Variants in SPTA1 observed in about 807,000 individuals in gnomAD.
The protein encoded by SPTA1 is spectrin alpha, erythrocytic 1.
SPTA1 carries 177 observed loss-of-function variants against 324.7 expected under a neutral mutation model. That is an observed-to-expected ratio of 0.55 (90% confidence interval 0.48 to 0.62). The LOEUF (loss-of-function observed/expected upper bound fraction) is 0.62. Among genes scored for constraint, SPTA1 ranks in the 20% least tolerant of loss-of-function variants. The pLI is 0.00. For missense variants in SPTA1, 3,162 were observed against 2,883.6 expected (o/e 1.10, Z -2.21); for synonymous variants, 1,195 against 1,041.3 (o/e 1.15, Z -2.84).
chr1:158,680,833 G>A, intron 4 of SPTA1, 104 bp from the exon 5 acceptor site: 1 of 1,447,914 alleles, frequency 6.9e-7, no homozygotes, highest in Non-Finnish European at 9.5e-7. Context: ...CTCAAATGGA[G>A]ATACTGGGGG....
intron 3 of SPTA1, among the ~76,000 whole-genome samples, chr1:158,682,324 G>T (rs899542598): frequency 2.0e-5 from 3 of 152,174 alleles, no homozygotes; most frequent in South Asian, 2.1e-4. Flanking sequence ...GACCACATAT[G>T]TCGTTAAACC....
intron 19 of SPTA1, among the ~76,000 whole-genome samples, chr1:158,657,230 T>C (rs908585403): frequency 6.6e-6 from 1 of 152,254 alleles, no homozygotes; most frequent in Non-Finnish European, 1.5e-5. Flanking sequence ...CTGATCACAC[T>C]TTTTTGATTT....
chr1:158,639,393 T>C (rs986940241), intron 35 of SPTA1, 189 bp downstream of exon 35: 3 of 635,872 alleles, frequency 4.7e-6, no homozygotes, highest in Non-Finnish European at 8.4e-6. Flanking sequence ...TTAGGGATAA[T>C]TGATTATCAG....
In SPTA1 at chr1:158,642,803, T is replaced by C. The variant is rs765223374; in HGVS notation, c.4605+11A>G. On this transcript the variant is annotated intron_variant, in intron 32 of 51. Transcript: ENST00000643759. ...TGGTGAAATTTTCCAAGATTCCTAT[T>C]TTGAACTTGCCTGAATGTTAGTGGC... 6.2e-7 allele frequency: 1 copy of C among 1,613,792 alleles called. No homozygotes were observed. Among genetic ancestry groups the C allele is most frequent in the Non-Finnish European group, 8.5e-7 (1 of 1,179,824 alleles).
intron 34 of SPTA1, 38 bp downstream of exon 34, chr1:158,639,832 T>C (rs188721169): frequency 6.2e-7 from 1 of 1,613,802 alleles, no homozygotes; most frequent in Non-Finnish European, 8.5e-7. Context: ...AAGTATGTAT[T>C]AAACTCTTGT....
At chr1:158,620,066 A>G in intron 44 of SPTA1, 104 bp downstream of exon 44, 1 of 1,376,438 alleles carries the variant, frequency 7.3e-7, no homozygotes, top group Non-Finnish European at 1.0e-6. Context: ...GTCCCAGTAT[A>G]GTTATTAATA....
rs775815268 is a variant in SPTA1, at chr1:158,674,324, A to G, written c.1350+5T>C. On this transcript the variant is annotated splice_donor_5th_base_variant and intron_variant, in intron 10 of 51. Coordinates refer to ENST00000643759, the MANE Select transcript of SPTA1 (RefSeq NM_003126.4). Reference sequence around the variant, plus strand: ...AATTTGACAAACTCTGTTAAACTAGATTACCTTTTCCCGAACTTCATCAGA... The same window carrying G: ...AATTTGACAAACTCTGTTAAACTAGGTTACCTTTTCCCGAACTTCATCAGA... The G allele has an allele frequency of 6.2e-6, 10 of 1,613,574 alleles. No homozygotes were observed. Among genetic ancestry groups the G allele is most frequent in the Non-Finnish European group, 7.6e-6 (9 of 1,179,652 alleles).
chr1:158,629,753 A>C (rs760358516), intron 39 of SPTA1, among the ~76,000 whole-genome samples: 1 of 151,956 alleles, frequency 6.6e-6, no homozygotes, highest in Non-Finnish European at 1.5e-5. Flanking sequence ...AATACAGAGA[A>C]CTCTGAACAC....
chr1:158,671,990 G>A (rs955821954), intron 11 of SPTA1, 69 bp downstream of exon 11: 9 of 1,591,738 alleles, frequency 5.7e-6, no homozygotes, highest in Non-Finnish European at 6.9e-6. Context: ...GGGAACTCAT[G>A]GTAGTCATGG....
At chr1:158,681,427 C>T in intron 4 of SPTA1, 100 bp downstream of exon 4, 2 of 1,577,442 alleles carry the variant, frequency 1.3e-6, no homozygotes, top group Non-Finnish European at 8.7e-7. Flanking sequence ...CAGGAACAGA[C>T]ATCCTGACTT....
rs768976264 is a variant in SPTA1 at position 158,639,586 on chromosome 1, C to G, written c.4976G>C (p.Arg1659Pro). 1 of 1,613,726 alleles carries G rather than the reference C, an allele frequency of 6.2e-7. No homozygotes were observed. Among genetic ancestry groups the G allele is most frequent in the Non-Finnish European group, 8.5e-7 (1 of 1,179,802 alleles). Residue 1659 changes from arginine to proline, a missense_variant, in exon 35 of 52, where the codon CGA (arginine) becomes CCA (proline). Physicochemically the swap from Arg to Pro is moderately radical, Grantham distance 103. Coordinates refer to ENST00000643759, the MANE Select transcript of SPTA1 (RefSeq NM_003126.4). ...AGGGATGCCAACACTACTTACCTCT[C>G]GAGCCAACATCTCTCTCTCCAATAG... ...HQLLEREMLA[R>P]EDALKDLNTL...
At chr1:158,654,804 A>G (rs1321069498) in intron 20 of SPTA1, 56 bp from the exon 21 acceptor site, 28 of 1,607,676 alleles carry the variant, frequency 1.7e-5, no homozygotes, top group Non-Finnish European at 2.3e-5. Flanking sequence ...CTCCCTGTAC[A>G]GCTTACCAGG....
intron 4 of SPTA1, 65 bp from the exon 5 acceptor site, chr1:158,680,794 C>G (rs1005849335): frequency 3.8e-6 from 6 of 1,598,822 alleles, no homozygotes; most frequent in African/African-American, 1.3e-5. Flanking sequence ...GTCAAAAACT[C>G]AAAACTCCTG....
chr1:158,612,685 C>T, intron 51 of SPTA1, 132 bp downstream of exon 51: 1 of 939,926 alleles, frequency 1.1e-6, no homozygotes, highest in Non-Finnish European at 1.7e-6. Flanking sequence ...AAGCAAATGA[C>T]ATCTTGTGAA....
chr1:158,615,701 T>G (rs901155394), intron 47 of SPTA1, among the ~76,000 whole-genome samples: 15 of 119,048 alleles, frequency 1.3e-4, no homozygotes, highest in Non-Finnish European at 2.8e-4. Context: ...ATCTATCATC[T>G]ATCTATCATC....
chr1:158,659,300 A>T (rs964316727), intron 18 of SPTA1, among the ~76,000 whole-genome samples: 11 of 152,100 alleles, frequency 7.2e-5, no homozygotes, highest in Admixed American at 1.3e-4. Flanking sequence ...ATGATAGATT[A>T]AAAAAATCTA....
intron 45 of SPTA1, 43 bp downstream of exon 45, chr1:158,619,179 G>A (rs1344510607): frequency 7.1e-6 from 11 of 1,552,190 alleles, no homozygotes; most frequent in South Asian, 6.7e-5. Flanking sequence ...ATGGCAAATG[G>A]TGGTGGCACA....
intron 39 of SPTA1, among the ~76,000 whole-genome samples, chr1:158,628,125 A>T (rs1472522016): frequency 6.6e-6 from 1 of 152,220 alleles, no homozygotes; most frequent in East Asian, 1.9e-4. Context: ...CTGATCCTAA[A>T]GAGAAGTTAA....
At chr1:158,615,697 C>T (rs1403277775) in intron 47 of SPTA1, among the ~76,000 whole-genome samples, 1 of 126,662 alleles carries the variant, frequency 7.9e-6, no homozygotes, top group Non-Finnish European at 1.8e-5. Context: ...TTCTATCTAT[C>T]ATCTATCTAT....
Sources: gnomAD v4.1 joint callset for allele counts (sites outside exome capture counted in the v4.1 genomes callset) on GRCh38, gnomAD v4.1.1 for gene constraint, MANE v1.5 for transcripts, NCBI Gene and HGNC (gene_info 2026-07-23, HGNC 2026-07-21) for gene names.